Variants in PLCE1 observed in about 807,000 individuals in gnomAD.
PLCE1 encodes the protein 1-phosphatidylinositol 4,5-bisphosphate phosphodiesterase epsilon-1.
PLCE1 carries 119 observed loss-of-function variants against 242.8 expected under a neutral mutation model. That is an observed-to-expected ratio of 0.49 (90% confidence interval 0.42 to 0.57). PLCE1 has a LOEUF of 0.57. Among genes scored for constraint, PLCE1 ranks in the 20% least tolerant of loss-of-function variants. The pLI is 0.00. For missense variants in PLCE1, 2,441 were observed against 2,788.8 expected (o/e 0.88, Z 2.81); for synonymous variants, 945 against 1,017.4 (o/e 0.93, Z 1.35).
chr10:94,268,858 C>T lies in PLCE1; in HGVS notation c.4282-71C>T, dbSNP rs907316558. 4.9e-5 allele frequency: 41 copies of T among 837,524 alleles called. No homozygotes were observed. The Middle Eastern group carries it at 7.6e-4, about 15-fold the overall frequency. 51.9% of individuals were successfully genotyped at this position (837,524 alleles called of 1,614,324 possible). On this transcript the variant is annotated intron_variant, in intron 16 of 32. Coordinates refer to ENST00000371380, the MANE Select transcript of PLCE1 (RefSeq NM_016341.4). ...AAACACTGCCTGATATGTAGAACTA[C>T]ATGCTGGGTTTAGTTCGAGGCTTTA... is the stretch of plus-strand genomic sequence containing the variant.
intron 7 of PLCE1, among the ~76,000 whole-genome samples, chr10:94,240,609 C>T (rs1001042210): frequency 6.6e-6 from 1 of 152,000 alleles, no homozygotes; most frequent in Non-Finnish European, 1.5e-5. Context: ...AATTCATGTT[C>T]AAGGGATTAT....
chr10:94,140,176 C>T (rs2689691), intron 3 of PLCE1, among the ~76,000 whole-genome samples: 69,414 of 151,848 alleles, frequency 0.46, 16,535 homozygotes, highest in Non-Finnish European at 0.53. Context: ...TTATTTATCA[C>T]ATGTCAGCTA....
At chr10:94,317,496 T>C (rs929225173) in intron 29 of PLCE1, among the ~76,000 whole-genome samples, 1 of 152,162 alleles carries the variant, frequency 6.6e-6, no homozygotes, top group African/African-American at 2.4e-5. Flanking sequence ...TTTTAGCTAA[T>C]AGAAGTTTTA....
At chr10:94,118,961 G>T (rs2046222632) in intron 2 of PLCE1, among the ~76,000 whole-genome samples, 1 of 152,078 alleles carries the variant, frequency 6.6e-6, no homozygotes, top group Admixed American at 6.5e-5. Context: ...CCTTTCCACT[G>T]CTATCTTACA....
chr10:94,306,293 A>C lies in PLCE1; in HGVS notation c.5623-134A>C. ...CCCTACAATCACTTACTTTTTAAAC[A>C]GTTTTATTCATCATTCACTTTGTCC... On this transcript the variant is annotated intron_variant, in intron 25 of 32. Transcript: ENST00000371380. The surrounding 1 kb of genome is among the most constrained non-coding windows in gnomAD (Gnocchi z 5.7). The C allele has an allele frequency of 6.7e-7, 1 of 1,492,834 alleles. No individual in the cohort carries two copies. Among genetic ancestry groups the C allele is most frequent in the Non-Finnish European group, 9.3e-7 (1 of 1,075,218 alleles). 92.5% of individuals were successfully genotyped at this position (1,492,834 alleles called of 1,614,324 possible).
At chr10:94,134,496 A>G (rs1260385235) in intron 3 of PLCE1, among the ~76,000 whole-genome samples, 1 of 152,260 alleles carries the variant, frequency 6.6e-6, no homozygotes, top group Non-Finnish European at 1.5e-5. Context: ...ACAAACAATG[A>G]TAAGTATGTA....
At chr10:94,113,646 G>C (rs2046024273) in intron 2 of PLCE1, among the ~76,000 whole-genome samples, 1 of 152,198 alleles carries the variant, frequency 6.6e-6, no homozygotes, top group Non-Finnish European at 1.5e-5. Context: ...TGGAAGCACA[G>C]AGAAGTAACT....
At chr10:94,187,231 G>C (rs1369403182) in intron 4 of PLCE1, among the ~76,000 whole-genome samples, 1 of 150,836 alleles carries the variant, frequency 6.6e-6, no homozygotes, top group Non-Finnish European at 1.5e-5. Context: ...ACTTGTAATA[G>C]GAAATATCAT....
intron 13 of PLCE1, among the ~76,000 whole-genome samples, chr10:94,262,176 T>C (rs1358955750): frequency 6.6e-6 from 1 of 151,950 alleles, no homozygotes; most frequent in Non-Finnish European, 1.5e-5. Context: ...AATTTTTGTA[T>C]TTCTAGTAGA....
At chr10:94,049,591 G>GTC (rs1437553760) in intron 2 of PLCE1, among the ~76,000 whole-genome samples, 8 of 151,218 alleles carry the variant, frequency 5.3e-5, no homozygotes, top group African/African-American at 1.7e-4. Flanking sequence ...CTGTCTGTCT[G>GTC]TCTGTCTGTC....
intron 4 of PLCE1, among the ~76,000 whole-genome samples, chr10:94,187,181 T>TGTGTGTGTGTGTGC (rs368426619): frequency 9.4e-5 from 14 of 149,268 alleles, no homozygotes; most frequent in African/African-American, 3.5e-4. Context: ...TGTGTGTGTG[T>TGTGTGTGTGTGTGC]GCGTGCACAC....
At chr10:94,130,416 C>G (rs1379029363) in intron 2 of PLCE1, among the ~76,000 whole-genome samples, 1 of 152,180 alleles carries the variant, frequency 6.6e-6, no homozygotes, top group Non-Finnish European at 1.5e-5. Flanking sequence ...TTTCTAGACA[C>G]TAGGCTGAGT....
In PLCE1 at chr10:94,298,373, G is replaced by T. The variant is rs148239915; in HGVS notation, c.5168-6G>T. ...TAATCTGCGGCTAATTTCTTGGGGG[G>T]TTTAGGTTCCTGTGAAGGCATTCGA... On this transcript the variant is annotated splice_polypyrimidine_tract_variant and splice_region_variant and intron_variant, in intron 23 of 32. Coordinates refer to ENST00000371380, the MANE Select transcript of PLCE1 (RefSeq NM_016341.4). The surrounding 1 kb of genome is among the most constrained non-coding windows in gnomAD (Gnocchi z 5.2). 39 of 1,613,872 alleles carry T rather than the reference G, an allele frequency of 2.4e-5. No homozygotes were observed. The Middle Eastern group carries it at 6.6e-4, about 27-fold the overall frequency.
intron 2 of PLCE1, among the ~76,000 whole-genome samples, chr10:94,125,523 G>T (rs184150573): frequency 1.6e-3 from 238 of 152,182 alleles, no homozygotes; most frequent in African/African-American, 4.5e-3. Context: ...CTCCGGAGTA[G>T]CTGGGACTAC....
At chr10:94,271,030 C>A (rs1435786969) in intron 18 of PLCE1, among the ~76,000 whole-genome samples, 1 of 152,070 alleles carries the variant, frequency 6.6e-6, no homozygotes, top group Non-Finnish European at 1.5e-5. Context: ...GGCTGTGAAG[C>A]ATATACAGTT....
At chr10:94,157,125 C>A (rs1169861351) in intron 3 of PLCE1, among the ~76,000 whole-genome samples, 1 of 151,886 alleles carries the variant, frequency 6.6e-6, no homozygotes, top group South Asian at 2.1e-4. Context: ...AAAATATTTT[C>A]TTTTTATTAT....
chr10:93,998,726 G>T (rs2060877153), intron 1 of PLCE1, among the ~76,000 whole-genome samples: 1 of 152,152 alleles, frequency 6.6e-6, no homozygotes, highest in Admixed American at 6.5e-5. Context: ...TTAGGTTTTG[G>T]GGAGGTGGAG....
intron 4 of PLCE1, among the ~76,000 whole-genome samples, chr10:94,210,801 G>C (rs2049307676): frequency 1.3e-5 from 2 of 152,074 alleles, no homozygotes; most frequent in South Asian, 2.1e-4. Flanking sequence ...TCTTCCTTTG[G>C]CTTCTCCCTC....
At chr10:94,270,171 T>TA (rs1165757746) in intron 17 of PLCE1, among the ~76,000 whole-genome samples, 8 of 152,232 alleles carry the variant, frequency 5.3e-5, no homozygotes, top group Admixed American at 5.2e-4. Flanking sequence ...TGTTTGCTGC[T>TA]ATAACTAGGA....
Sources: allele counts gnomAD v4.1 joint callset (sites outside exome capture counted in the v4.1 genomes callset), GRCh38; gene constraint gnomAD v4.1.1; non-coding constraint Gnocchi (gnomAD v3.1); transcripts MANE v1.5; gene names NCBI Gene and HGNC (gene_info 2026-07-23, HGNC 2026-07-21).